SPATA16: variants seen among roughly 807,000 people sequenced by gnomAD.
SPATA16 encodes spermatogenesis associated 16, also known as spermatogenesis-associated protein 16.
SPATA16 carries 36 observed loss-of-function variants against 63.3 expected under a neutral mutation model. That is an observed-to-expected ratio of 0.57 (90% CI 0.44 to 0.75). The LOEUF is 0.75. Ranked by LOEUF, SPATA16 falls within the 30% of genes least tolerant of loss-of-function variation. The pLI is 0.00. For synonymous variants in SPATA16, 203 were observed against 216.7 expected (o/e 0.94, Z 0.56); for missense variants, 646 against 679.3 (o/e 0.95, Z 0.54).
intron 3 of SPATA16, among the ~76,000 whole-genome samples, chr3:173,031,290 G>A (rs968838049): frequency 6.7e-6 from 1 of 149,256 alleles, no homozygotes; most frequent in African/African-American, 2.6e-5. Flanking sequence ...AAGATTAAAA[G>A]TAGGGAGAGT....
intron 5 of SPATA16, among the ~76,000 whole-genome samples, chr3:172,966,614 T>G (rs979694001): frequency 6.6e-6 from 1 of 152,122 alleles, no homozygotes; most frequent in African/African-American, 2.4e-5. Flanking sequence ...GGGAGAAAAT[T>G]ATCATGAAAA....
chr3:173,107,565 G>A (rs1336420859), intron 2 of SPATA16, among the ~76,000 whole-genome samples: 2 of 151,568 alleles, frequency 1.3e-5, no homozygotes, highest in Non-Finnish European at 2.9e-5. Context: ...TGTCAAATGA[G>A]GCAAAAGAAG....
intron 1 of SPATA16, among the ~76,000 whole-genome samples, chr3:173,127,331 G>A (rs1297252613): frequency 3.9e-5 from 6 of 152,192 alleles, no homozygotes; most frequent in African/African-American, 1.4e-4. Context: ...TTTCGTTACT[G>A]TAGCATAATA....
chr3:173,044,539 G>A (rs1022023140), intron 3 of SPATA16, among the ~76,000 whole-genome samples: 7 of 152,062 alleles, frequency 4.6e-5, no homozygotes, highest in Non-Finnish European at 8.8e-5. Flanking sequence ...ACTTTCATAG[G>A]TTTGTTGAAA....
chr3:172,999,395 A>ATTTCTTTC (rs144082601), intron 4 of SPATA16, among the ~76,000 whole-genome samples: 15,044 of 150,620 alleles, frequency 0.1, 952 homozygotes, highest in East Asian at 0.26. Context: ...CCCCTATTTC[A>ATTTCTTTC]TTTCTTTCTT....
intron 10 of SPATA16, among the ~76,000 whole-genome samples, chr3:172,897,174 A>C (rs957740525): frequency 6.6e-6 from 1 of 152,110 alleles, no homozygotes; most frequent in Admixed American, 6.5e-5. Context: ...TGGTCTACAG[A>C]TGTGTAAATG....
At chr3:172,982,228 G>A (rs1338730792) in intron 4 of SPATA16, among the ~76,000 whole-genome samples, 1 of 152,184 alleles carries the variant, frequency 6.6e-6, no homozygotes, top group Admixed American at 6.5e-5. Flanking sequence ...TGGCCTTAGA[G>A]CTATCTCACT....
Position 172,964,966 on chromosome 3 carries a change from A to G in SPATA16, c.934-8142T>C, listed in dbSNP as rs79281040. On this transcript the variant is annotated intron_variant, in intron 5 of 10. Transcript: ENST00000351008. ...AGACAAGATTTAGGTTTCAAGGACT[A>G]ACTTTCTGTCATCAGGTAGCAACGT... 1.8e-3 allele frequency among the ~76,000 whole-genome samples: 274 copies of G among 152,338 alleles called. 1 individual carries two copies. Among genetic ancestry groups the G allele is most frequent in the African/African-American group, 6.2e-3 (258 of 41,572 alleles).
chr3:173,015,064 C>CTT (rs34843727), intron 4 of SPATA16, among the ~76,000 whole-genome samples: 7 of 136,516 alleles, frequency 5.1e-5, no homozygotes, highest in Admixed American at 1.4e-4. Context: ...TCTTTTTTCT[C>CTT]TTTTTTTTTT....
intron 2 of SPATA16, among the ~76,000 whole-genome samples, chr3:173,099,206 A>G (rs1243201318): frequency 6.6e-6 from 1 of 152,114 alleles, no homozygotes; most frequent in Non-Finnish European, 1.5e-5. Flanking sequence ...AAGGATGAGT[A>G]CAGTACCATA....
intron 4 of SPATA16, among the ~76,000 whole-genome samples, chr3:173,001,023 GTC>G (rs1331560313): frequency 1.3e-5 from 2 of 152,106 alleles, no homozygotes. Flanking sequence ...TTCCTGCCAT[GTC>G]TGATTCTGGC....
chr3:173,093,856 T>G (rs1416132242), intron 2 of SPATA16, among the ~76,000 whole-genome samples: 2 of 149,752 alleles, frequency 1.3e-5, no homozygotes, highest in African/African-American at 2.4e-5. Context: ...AGTATTCCTG[T>G]AAATGAGTAA....
At chr3:173,044,970 A>G (rs749767777) in intron 3 of SPATA16, among the ~76,000 whole-genome samples, 2 of 152,048 alleles carry the variant, frequency 1.3e-5, no homozygotes, top group Non-Finnish European at 2.9e-5. Context: ...TGAGGTGCTG[A>G]GTGAAGTCTC....
At chr3:173,042,446 A>G (rs1046705924) in intron 3 of SPATA16, among the ~76,000 whole-genome samples, 29 of 150,220 alleles carry the variant, frequency 1.9e-4, no homozygotes, top group African/African-American at 6.9e-4. Context: ...CTGGTCTTGA[A>G]CTCCTCCTGA....
intron 4 of SPATA16, among the ~76,000 whole-genome samples, chr3:172,986,067 A>G (rs1464209002): frequency 6.6e-6 from 1 of 152,198 alleles, no homozygotes; most frequent in East Asian, 1.9e-4. Context: ...CTCTCTGGCT[A>G]TATTGGGAAC....
intron 2 of SPATA16, among the ~76,000 whole-genome samples, chr3:173,065,388 T>A (rs910379747): frequency 6.6e-6 from 1 of 152,164 alleles, no homozygotes; most frequent in Non-Finnish European, 1.5e-5. Flanking sequence ...CTGGTTAATA[T>A]CCCAATTTCG....
chr3:173,102,667 T>C (rs1446371088), intron 2 of SPATA16, among the ~76,000 whole-genome samples: 1 of 152,182 alleles, frequency 6.6e-6, no homozygotes, highest in Non-Finnish European at 1.5e-5. Flanking sequence ...CTTCCAACTT[T>C]AGGGATTACA....
At chr3:172,898,909 A>T (rs955024159) in intron 10 of SPATA16, among the ~76,000 whole-genome samples, 3 of 151,076 alleles carry the variant, frequency 2.0e-5, no homozygotes, top group Non-Finnish European at 4.4e-5. Context: ...ATATATTTTC[A>T]TTTTTTTTAG....
intron 4 of SPATA16, among the ~76,000 whole-genome samples, chr3:172,979,461 A>G (rs150282632): frequency 1.3e-5 from 2 of 152,148 alleles, no homozygotes; most frequent in Non-Finnish European, 2.9e-5. Flanking sequence ...TAAAAGCTAA[A>G]TTGATAAGAA....
Sources: gnomAD v4.1 joint callset for allele counts (sites outside exome capture counted in the v4.1 genomes callset) on GRCh38, gnomAD v4.1.1 for gene constraint, MANE v1.5 for transcripts, NCBI Gene and HGNC (gene_info 2026-07-23, HGNC 2026-07-21) for gene names.